SLC35F4: variants seen among roughly 807,000 people sequenced by gnomAD.
SLC35F4 encodes the protein chromosome 14 open reading frame 36.
Under a neutral mutation model 44.2 loss-of-function variants are expected in SLC35F4, and 24 were observed. That is an observed-to-expected ratio of 0.54 (90% CI 0.39 to 0.76). The LOEUF (loss-of-function observed/expected upper bound fraction) is 0.76. SLC35F4 is among the 30% of genes least tolerant of loss of function. SLC35F4 has a pLI of 0.00. For missense variants in SLC35F4, 562 were observed against 586.1 expected (o/e 0.96, Z 0.42); for synonymous variants, 238 against 223.6 (o/e 1.06, Z -0.57).
intron 1 of SLC35F4, among the ~76,000 whole-genome samples, chr14:57,956,844 G>A (rs1244883826): frequency 6.6e-6 from 1 of 152,190 alleles, no homozygotes; most frequent in Non-Finnish European, 1.5e-5. Context: ...TGTTTGGTGG[G>A]AATGTAAATT....
intron 1 of SLC35F4, among the ~76,000 whole-genome samples, chr14:57,669,631 G>A (rs1235625590): frequency 8.6e-5 from 13 of 152,032 alleles, no homozygotes; most frequent in Admixed American, 2.6e-4. Context: ...GCTGGATTAC[G>A]TTTATTGATT....
At chr14:57,844,085 T>C (rs1885759546) in intron 1 of SLC35F4, among the ~76,000 whole-genome samples, 1 of 152,188 alleles carries the variant, frequency 6.6e-6, no homozygotes. Context: ...AAAATTACCT[T>C]GAAAGGTAAA....
intron 1 of SLC35F4, among the ~76,000 whole-genome samples, chr14:57,699,107 C>A (rs986021347): frequency 3.3e-5 from 5 of 152,038 alleles, no homozygotes; most frequent in African/African-American, 1.2e-4. Flanking sequence ...TAGGAATAGA[C>A]CATATAGACA....
intron 1 of SLC35F4, among the ~76,000 whole-genome samples, chr14:57,626,034 A>C (rs2072458678): frequency 6.6e-6 from 1 of 151,038 alleles, no homozygotes. Context: ...GACATGGATG[A>C]AGCTGGAAAC....
intron 1 of SLC35F4, among the ~76,000 whole-genome samples, chr14:57,827,252 G>A (rs140941360): frequency 2.0e-5 from 3 of 152,208 alleles, no homozygotes; most frequent in Non-Finnish European, 2.9e-5. Flanking sequence ...GCAAACAAAC[G>A]CAGGAACAGG....
intron 1 of SLC35F4, among the ~76,000 whole-genome samples, chr14:57,682,958 C>T: frequency 6.6e-6 from 1 of 152,122 alleles, no homozygotes. Context: ...CAAAAAATCT[C>T]AGTATGTAGA....
At chr14:57,696,020 A>G (rs2075373820) in intron 1 of SLC35F4, among the ~76,000 whole-genome samples, 1 of 152,300 alleles carries the variant, frequency 6.6e-6, no homozygotes, top group East Asian at 1.9e-4. Context: ...GGACATAGGC[A>G]TGGGCAAAGA....
intron 1 of SLC35F4, among the ~76,000 whole-genome samples, chr14:57,724,659 C>G (rs181306330): frequency 5.3e-5 from 8 of 152,186 alleles, no homozygotes; most frequent in Non-Finnish European, 8.8e-5. Context: ...TTCTCCCCCC[C>G]AGCCTGCACC....
intron 1 of SLC35F4, among the ~76,000 whole-genome samples, chr14:57,969,149 T>C (rs1039700749): frequency 1.2e-4 from 18 of 152,346 alleles, no homozygotes; most frequent in African/African-American, 4.3e-4. Context: ...GCAGTGATGA[T>C]GGGAAATTTG....
intron 1 of SLC35F4, among the ~76,000 whole-genome samples, chr14:57,636,538 A>G (rs962302187): frequency 6.6e-6 from 1 of 152,146 alleles, no homozygotes; most frequent in African/African-American, 2.4e-5. Context: ...AAAGCTTGAT[A>G]AAAGCAATAT....
At chr14:57,579,047 A>C (rs1313160784) in intron 4 of SLC35F4, 1 of 152,182 alleles carries the variant, frequency 6.6e-6, no homozygotes, top group Non-Finnish European at 1.5e-5. Flanking sequence ...ACATCACTCC[A>C]ATCTCTGTGT....
intron 1 of SLC35F4, among the ~76,000 whole-genome samples, chr14:57,806,039 T>A (rs1881277906): frequency 6.6e-6 from 1 of 152,222 alleles, no homozygotes; most frequent in Admixed American, 6.5e-5. Context: ...ATATTGAATA[T>A]GCTCTATTCA....
chr14:57,882,772 G>T (rs879819285), intron 1 of SLC35F4, among the ~76,000 whole-genome samples: 8 of 152,232 alleles, frequency 5.3e-5, no homozygotes, highest in Admixed American at 5.2e-4. Flanking sequence ...ATGATTTTAA[G>T]AATGTGACAG....
intron 1 of SLC35F4, among the ~76,000 whole-genome samples, chr14:57,856,921 G>A (rs1407087896): frequency 6.6e-6 from 1 of 152,008 alleles, no homozygotes; most frequent in Non-Finnish European, 1.5e-5. Context: ...AGAAAGAGGA[G>A]AAACCACATT....
At chr14:57,966,120 G>A (rs1890433097) in intron 1 of SLC35F4, among the ~76,000 whole-genome samples, 1 of 152,130 alleles carries the variant, frequency 6.6e-6, no homozygotes, top group Non-Finnish European at 1.5e-5. Context: ...CTTTCATGAC[G>A]CTGATGCAAG....
rs147005203 is a variant in SLC35F4, at chr14:57,635,424, G to A, written c.104-41300C>T. Among the ~76,000 whole-genome samples, 368 of 152,112 alleles carry A rather than the reference G, an allele frequency of 2.4e-3. 1 individual carries two copies. Among genetic ancestry groups the A allele is most frequent in the African/African-American group, 8.3e-3 (345 of 41,510 alleles). ...GATGTGTTAAGTTTCAGAAATATAT[G>A]ACATCCAAGTGGGGATGTCAAAAAG... On this transcript the variant is annotated intron_variant, in intron 1 of 7. Transcript: ENST00000556826.
intron 1 of SLC35F4, among the ~76,000 whole-genome samples, chr14:57,726,523 G>A (rs1474804593): frequency 6.6e-6 from 1 of 152,108 alleles, no homozygotes; most frequent in Non-Finnish European, 1.5e-5. Context: ...TTTATCACAT[G>A]ACGTAAGATT....
intron 7 of SLC35F4, among the ~76,000 whole-genome samples, chr14:57,565,806 A>G (rs1186050582): frequency 2.0e-5 from 3 of 152,226 alleles, no homozygotes; most frequent in African/African-American, 7.2e-5. Flanking sequence ...CCCTGATCAC[A>G]TGATAAATAT....
intron 3 of SLC35F4, among the ~76,000 whole-genome samples, chr14:57,585,808 G>A (rs910427051): frequency 6.6e-6 from 1 of 152,138 alleles, no homozygotes; most frequent in African/African-American, 2.4e-5. Context: ...ACAAACCACT[G>A]CTCAAGGAAA....
Sources: allele counts gnomAD v4.1 joint callset (sites outside exome capture counted in the v4.1 genomes callset), GRCh38; gene constraint gnomAD v4.1.1; transcripts MANE v1.5; gene names NCBI Gene and HGNC (gene_info 2026-07-23, HGNC 2026-07-21).